Variants in PRKG1 observed in about 807,000 individuals in gnomAD.
PRKG1 encodes protein kinase cGMP-dependent 1.
A neutral mutation model predicts 88.1 loss-of-function variants in PRKG1; 35 were observed. The ratio of observed to expected loss-of-function variants is 0.40; its 90% CI spans 0.30 to 0.53. The LOEUF is 0.53. Ranked by LOEUF, PRKG1 falls within the 20% of genes least tolerant of loss-of-function variation. PRKG1 has a pLI of 0.59. For missense variants in PRKG1, 540 were observed against 839.8 expected, an observed-to-expected ratio of 0.64 and a Z score of 4.41; for synonymous variants, 303 against 292.5, an observed-to-expected ratio of 1.04 and a Z score of -0.37.
rs770799540 is a variant in PRKG1, at chr10:51,940,400, C to G, written c.762+32830C>G. 9.9e-5 allele frequency among the ~76,000 whole-genome samples: 15 copies of G among 151,844 alleles called. 1 individual carries two copies. Among genetic ancestry groups the G allele is most frequent in the Non-Finnish European group, 1.9e-4 (13 of 67,978 alleles). ...TCTCCAAAGGTTAATCCTGGCTGCT[C>G]TTAAATAACTCTACTGCTATGGAAA... On this transcript the variant is annotated intron_variant, in intron 5 of 17. Transcript: ENST00000373980.
At chr10:51,579,264 G>T (rs1026751628) in intron 3 of PRKG1, among the ~76,000 whole-genome samples, 10 of 151,948 alleles carry the variant, frequency 6.6e-5, no homozygotes, top group Non-Finnish European at 4.4e-5. Context: ...TTACAGGTGT[G>T]AGCCACCACA....
chr10:50,994,573 G>A (rs911490488), intron 1 of PRKG1, among the ~76,000 whole-genome samples: 1 of 151,866 alleles, frequency 6.6e-6, no homozygotes, highest in Non-Finnish European at 1.5e-5. Context: ...AGGCTGTGCC[G>A]TTCTGAAGGG....
chr10:51,274,606 A>C (rs1430620300), intron 2 of PRKG1, among the ~76,000 whole-genome samples: 1 of 152,212 alleles, frequency 6.6e-6, no homozygotes, highest in African/African-American at 2.4e-5. Flanking sequence ...CGTGCTCAAC[A>C]CTATAGAAAG....
intron 4 of PRKG1, among the ~76,000 whole-genome samples, chr10:51,876,312 A>C (rs1027113912): frequency 1.3e-5 from 2 of 152,118 alleles, no homozygotes; most frequent in African/African-American, 4.8e-5. Context: ...GGAAAGGGGG[A>C]AGTAGAGGAA....
chr10:51,274,210 C>A (rs1003824682), intron 2 of PRKG1, among the ~76,000 whole-genome samples: 1 of 152,226 alleles, frequency 6.6e-6, no homozygotes, highest in African/African-American at 2.4e-5. Flanking sequence ...TGCTTTGGAA[C>A]TACTACCTCA....
At chr10:51,599,915 A>G (rs915833858) in intron 3 of PRKG1, among the ~76,000 whole-genome samples, 1 of 152,186 alleles carries the variant, frequency 6.6e-6, no homozygotes, top group Non-Finnish European at 1.5e-5. Context: ...TTCAAAATAT[A>G]TATGTGTACA....
chr10:52,060,182 T>A (rs1050030755), intron 6 of PRKG1, among the ~76,000 whole-genome samples: 2 of 151,840 alleles, frequency 1.3e-5, no homozygotes, highest in Admixed American at 6.6e-5. Context: ...ATTACAGGTA[T>A]CACAACAATT....
At chr10:51,771,602 C>G (rs1348673012) in intron 3 of PRKG1, among the ~76,000 whole-genome samples, 1 of 152,102 alleles carries the variant, frequency 6.6e-6, no homozygotes, top group Non-Finnish European at 1.5e-5. Context: ...ATTAAAATGT[C>G]TGAGTACAAC....
chr10:52,000,505 C>T (rs544650795), intron 5 of PRKG1, among the ~76,000 whole-genome samples: 1 of 152,124 alleles, frequency 6.6e-6, no homozygotes, highest in East Asian at 1.9e-4. Flanking sequence ...GGCATTTACA[C>T]GAACATGGCC....
intron 3 of PRKG1, among the ~76,000 whole-genome samples, chr10:51,652,321 TA>T (rs55687079): frequency 2.0e-5 from 3 of 149,970 alleles, no homozygotes; most frequent in South Asian, 2.1e-4. Context: ...TGACACAAAT[TA>T]AAAAAAAAAG....
chr10:51,506,081 C>A (rs1374108722), intron 3 of PRKG1, among the ~76,000 whole-genome samples: 1 of 152,028 alleles, frequency 6.6e-6, no homozygotes, highest in African/African-American at 2.4e-5. Context: ...ATAAACGGTG[C>A]TGGGAAAACT....
intron 2 of PRKG1, among the ~76,000 whole-genome samples, chr10:51,249,950 C>T (rs1391831284): frequency 6.6e-6 from 1 of 151,762 alleles, no homozygotes; most frequent in Non-Finnish European, 1.5e-5. Context: ...TTAGATGATG[C>T]TTCATAGCTT....
chr10:51,521,579 C>T (rs1043508060), intron 3 of PRKG1, among the ~76,000 whole-genome samples: 6 of 152,136 alleles, frequency 3.9e-5, no homozygotes, highest in East Asian at 3.9e-4. Flanking sequence ...CAATACAGAA[C>T]GTAGCCAAGG....
intron 2 of PRKG1, among the ~76,000 whole-genome samples, chr10:51,214,565 T>TCTCCTG (rs1838319755): frequency 6.6e-6 from 1 of 152,064 alleles, no homozygotes; most frequent in Non-Finnish European, 1.5e-5. Flanking sequence ...CATTGAGGCC[T>TCTCCTG]CTCCTGCCTG....
At chr10:52,028,614 G>A (rs759621606) in intron 5 of PRKG1, among the ~76,000 whole-genome samples, 2 of 152,148 alleles carry the variant, frequency 1.3e-5, no homozygotes, top group Non-Finnish European at 2.9e-5. Context: ...CCTCATGCTG[G>A]TGTTAAACAG....
At chr10:51,038,542 T>C (rs1017367741) in intron 1 of PRKG1, among the ~76,000 whole-genome samples, 1 of 152,218 alleles carries the variant, frequency 6.6e-6, no homozygotes, top group African/African-American at 2.4e-5. Flanking sequence ...ATTCAATTCT[T>C]TTGAATTTTA....
intron 3 of PRKG1, among the ~76,000 whole-genome samples, chr10:51,674,307 C>T (rs1188929521): frequency 6.6e-6 from 1 of 152,032 alleles, no homozygotes; most frequent in Non-Finnish European, 1.5e-5. Context: ...AGGTATTTCT[C>T]CTAATGCTAT....
chr10:51,209,744 T>C (rs1408946092), intron 2 of PRKG1, among the ~76,000 whole-genome samples: 1 of 152,124 alleles, frequency 6.6e-6, no homozygotes, highest in Non-Finnish European at 1.5e-5. Context: ...TATACAAAAT[T>C]TGGGGCTAGT....
rs564534504 is a variant in PRKG1, at chr10:51,211,818, G to A, written c.478+58488G>A. Among the ~76,000 whole-genome samples the A allele has an allele frequency of 4.5e-4, 69 of 152,194 alleles. No homozygotes were observed. In the South Asian group the frequency reaches 0.013, roughly 28 times the overall value. The stretch of plus-strand genomic sequence containing the variant: ...ACCACTGTTCAATGAAATAAAAGAG[G>A]ATACAAACAAATGGAAGAACATTTC... On this transcript the variant is annotated intron_variant, in intron 2 of 17. Transcript: ENST00000373980.
Sources: gnomAD v4.1 joint callset for allele counts (sites outside exome capture counted in the v4.1 genomes callset) on GRCh38, gnomAD v4.1.1 for gene constraint, MANE v1.5 for transcripts, NCBI Gene and HGNC (gene_info 2026-07-23, HGNC 2026-07-21) for gene names.